The following WDR11 variants were observed in gnomAD, a reference collection of about 807,000 sequenced individuals.
The protein encoded by WDR11 is WD repeat-containing protein 11.
Under a neutral mutation model 151.2 loss-of-function variants are expected in WDR11, and 83 were observed. The ratio of observed to expected loss-of-function variants is 0.55; its 90% CI spans 0.46 to 0.66. The LOEUF is 0.66. Ranked by LOEUF, WDR11 falls within the 30% of genes least tolerant of loss-of-function variation. The pLI is 0.00. For missense variants in WDR11, 1,301 were observed against 1,480.9 expected (o/e 0.88, Z 1.99); for synonymous variants, 484 against 533.1 (o/e 0.91, Z 1.27).
chr10:120,866,378 CTT>C (rs1846312095), intron 7 of WDR11, among the ~76,000 whole-genome samples, 189 bp from the exon 8 acceptor site: 1 of 151,898 alleles, frequency 6.6e-6, no homozygotes, highest in African/African-American at 2.4e-5. Context: ...GGAAATTAAA[CTT>C]AGTACAGTCA....
intron 4 of WDR11, among the ~76,000 whole-genome samples, chr10:120,861,452 A>C (rs1564940305): frequency 6.6e-6 from 1 of 152,190 alleles, no homozygotes; most frequent in Non-Finnish European, 1.5e-5. Context: ...GGGCTGGCCC[A>C]GTTGGCAGAG....
intron 11 of WDR11, among the ~76,000 whole-genome samples, chr10:120,877,787 A>G (rs1271043075): frequency 6.6e-6 from 1 of 152,236 alleles, no homozygotes; most frequent in Non-Finnish European, 1.5e-5. Context: ...ATCATAATCT[A>G]AAGCACTTGA....
chr10:120,902,975 C>A, intron 22 of WDR11, 80 bp from the exon 23 acceptor site: 1 of 1,441,848 alleles, frequency 6.9e-7, no homozygotes, highest in Non-Finnish European at 9.7e-7. Context: ...ACACTCCCTT[C>A]CAGTCCCTCA....
At chr10:120,872,992 T>C (rs2133759978) in intron 10 of WDR11, among the ~76,000 whole-genome samples, 1 of 152,302 alleles carries the variant, frequency 6.6e-6, no homozygotes, top group African/African-American at 2.4e-5. Flanking sequence ...ACTGTTCACT[T>C]TTCTTGCTTA....
At chr10:120,868,916 CAT>C (rs933875422) in intron 9 of WDR11, among the ~76,000 whole-genome samples, 7 of 151,868 alleles carry the variant, frequency 4.6e-5, no homozygotes, top group Non-Finnish European at 1.0e-4. Flanking sequence ...AGCCTGGACA[CAT>C]GTTTTGCAAA....
At chr10:120,903,334 T>A in intron 23 of WDR11, 102 bp downstream of exon 23, 1 of 1,414,882 alleles carries the variant, frequency 7.1e-7, no homozygotes, top group Non-Finnish European at 9.7e-7. Context: ...AAGTTACTGT[T>A]CAGTAATAGA....
At chr10:120,880,229 T>C (rs4751803) in intron 12 of WDR11, 56,597 of 152,100 alleles carry the variant, frequency 0.37, 10,628 homozygotes, top group Admixed American at 0.44. Flanking sequence ...TTTCTAAAAT[T>C]GAATTATAGA....
chr10:120,889,690 A>G, intron 17 of WDR11: 1 of 581,438 alleles, frequency 1.7e-6, no homozygotes, highest in Non-Finnish European at 3.1e-6. Flanking sequence ...GGAGATAGTT[A>G]TCTGCAAGTG....
intron 19 of WDR11, among the ~76,000 whole-genome samples, chr10:120,899,125 G>A (rs1847717607): frequency 6.6e-6 from 1 of 152,130 alleles, no homozygotes; most frequent in Non-Finnish European, 1.5e-5. Context: ...TCTTTGCACT[G>A]AAACATGTTG....
intron 2 of WDR11, among the ~76,000 whole-genome samples, chr10:120,856,580 A>C (rs1347882785): frequency 6.6e-6 from 1 of 151,418 alleles, no homozygotes; most frequent in East Asian, 1.9e-4. Flanking sequence ...GTCTCCAAAA[A>C]AAAAAAAAAA....
At chr10:120,885,430 A>T (rs938115801) in intron 14 of WDR11, among the ~76,000 whole-genome samples, 8 of 152,166 alleles carry the variant, frequency 5.3e-5, no homozygotes, top group African/African-American at 1.7e-4. Flanking sequence ...GAATATATAA[A>T]TAAAACAAGT....
Position 120,873,823 on chromosome 10 carries a change from G to A in WDR11, c.1472-16G>A, listed in dbSNP as rs749695158. On this transcript the variant is annotated splice_polypyrimidine_tract_variant and intron_variant, in intron 10 of 28. Coordinates refer to ENST00000263461, the MANE Select transcript of WDR11 (RefSeq NM_018117.12). The stretch of plus-strand genomic sequence containing the variant: ...TCCCACTGAATTAATGCTCTTCCAT[G>A]ATGTCATTTTGAAAGGTACAAGTAA... 1 of 1,582,112 alleles carries A rather than the reference G, an allele frequency of 6.3e-7. No homozygotes were observed. Among genetic ancestry groups the A allele is most frequent in the South Asian group, 1.1e-5 (1 of 90,464 alleles).
At position 120,873,871 on chromosome 10, in the gene WDR11, C is replaced by T. The variant is rs1442752329; in HGVS notation, c.1504C>T (p.Leu502Phe). 2 of 1,613,260 alleles carry T rather than the reference C, an allele frequency of 1.2e-6. No homozygotes were observed. The highest frequency in any genetic ancestry group is 3.3e-5 in the Admixed American group (2 of 60,028). Residue 502 changes from leucine (L) to phenylalanine (F), a missense_variant, in exon 11 of 29, where the codon CTC becomes TTC. Transcript: ENST00000263461. ...TSNGSVLVYH[L>F]TSGLLHKELS... ...TAATGGTTCTGTCCTGGTGTACCAT[C>T]TCACCAGTGGTCTGCTACACAAAGA...
chr10:120,886,013 G>A, intron 15 of WDR11, 75 bp downstream of exon 15: 1 of 1,594,906 alleles, frequency 6.3e-7, no homozygotes, highest in Non-Finnish European at 8.5e-7. Flanking sequence ...AGTATCATCG[G>A]AAGGTGTCTA....
At chr10:120,900,261 CAG>C in intron 20 of WDR11, 124 bp downstream of exon 20, 3 of 860,694 alleles carry the variant, frequency 3.5e-6, no homozygotes, top group Middle Eastern at 3.3e-4. Flanking sequence ...CGAGAGAAGG[CAG>C]AGACACTACA....
intron 14 of WDR11, among the ~76,000 whole-genome samples, chr10:120,885,573 TG>T (rs1291069254): frequency 6.6e-6 from 1 of 152,164 alleles, no homozygotes; most frequent in African/African-American, 2.4e-5. Flanking sequence ...ATTTTCATTT[TG>T]TAAGTATTTT....
intron 20 of WDR11, among the ~76,000 whole-genome samples, chr10:120,900,615 G>A (rs183920719): frequency 5.9e-5 from 9 of 152,220 alleles, no homozygotes; most frequent in South Asian, 2.1e-4. Context: ...TGTGCAGCAC[G>A]GATGGAGGAT....
rs149527870 is a variant in WDR11, at chr10:120,897,851, T to G, written c.2516-2178T>G. On this transcript the variant is annotated intron_variant, in intron 19 of 28. Coordinates refer to ENST00000263461, the MANE Select transcript of WDR11 (RefSeq NM_018117.12). ...GGACTTTTGAATTTGGACTGCATTT[T>G]AAGTGATTTTACTGAATCAATATTA... Among the ~76,000 whole-genome samples, 94 of 152,358 alleles carry G rather than the reference T, an allele frequency of 6.2e-4. 2 individuals carry two copies. In the East Asian group the frequency reaches 0.017, roughly 27 times the overall value.
intron 2 of WDR11, among the ~76,000 whole-genome samples, chr10:120,857,081 T>C (rs1012286385): frequency 1.3e-5 from 2 of 151,936 alleles, no homozygotes; most frequent in Non-Finnish European, 1.5e-5. Flanking sequence ...GATTATCACA[T>C]ATATATATAT....
Sources: gnomAD v4.1 joint callset for allele counts (sites outside exome capture counted in the v4.1 genomes callset) on GRCh38, gnomAD v4.1.1 for gene constraint, MANE v1.5 for transcripts, NCBI Gene and HGNC (gene_info 2026-07-23, HGNC 2026-07-21) for gene names.